Variants in TGM2 observed in about 807,000 individuals in gnomAD.
TGM2 encodes the protein transglutaminase 2, also known as protein-glutamine gamma-glutamyltransferase 2.
A neutral mutation model predicts 75.6 loss-of-function variants in TGM2; 53 were observed. The observed-to-expected ratio is 0.70, with a 90% CI of 0.56 to 0.88. The LOEUF is 0.88. TGM2 is among the 40% of genes least tolerant of loss of function. The probability of loss-of-function intolerance (pLI) is 0.00; values close to 1 mark genes in which losing one functional copy is unlikely to be tolerated. For missense variants in TGM2, 842 were observed against 928.5 expected (o/e 0.91, Z 1.21); for synonymous variants, 374 against 381.1 (o/e 0.98, Z 0.22).
At chr20:38,133,333 G>A (rs1055067726) in intron 10 of TGM2, 1 of 165,256 alleles carries the variant, frequency 6.1e-6, no homozygotes, top group African/African-American at 2.4e-5. Flanking sequence ...CCGGGGAGAT[G>A]ACCTCCCCTC....
intron 3 of TGM2, among the ~76,000 whole-genome samples, chr20:38,154,443 CT>C (rs1367755747): frequency 6.6e-6 from 1 of 152,138 alleles, no homozygotes; most frequent in Admixed American, 6.5e-5. Context: ...GACTGCCTTG[CT>C]AGTTAGATGG....
At chr20:38,136,656 A>G (rs1051410375) in intron 10 of TGM2, among the ~76,000 whole-genome samples, 6 of 152,122 alleles carry the variant, frequency 3.9e-5, no homozygotes, top group African/African-American at 9.7e-5. Flanking sequence ...AGGATGGCCA[A>G]TGTCTCATTC....
chr20:38,167,630 T>C (rs1482023666), upstream of TGM2, among the ~76,000 whole-genome samples: 1 of 152,220 alleles, frequency 6.6e-6, no homozygotes, highest in African/African-American at 2.4e-5. Context: ...TGAACCACTG[T>C]GCCCAGCCCA....
chr20:38,161,725 C>G, intron 1 of TGM2, 126 bp from the exon 2 acceptor site: 1 of 1,151,914 alleles, frequency 8.7e-7, no homozygotes, highest in African/African-American at 1.5e-5. Context: ...GCCATTGTTT[C>G]GACTGACCTG....
rs146882570 is a variant in TGM2 at position 38,130,176 on chromosome 20, G to A, written c.*43C>T. ...GCTCACTAGCTTGGGATAAGGATTG[G>A]GATCAAGGTGGGGGCTCTCAGCAGG... On this transcript the variant is annotated 3_prime_UTR_variant, in exon 13 of 13. Transcript: ENST00000361475. 4 of 1,611,112 alleles carry A rather than the reference G, an allele frequency of 2.5e-6. No individual in the cohort carries two copies. In the Admixed American group the frequency reaches 5.0e-5, roughly 20 times the overall value.
rs753094758 is a variant in TGM2, at chr20:38,142,136, T to C, written c.923A>G (p.Asn308Ser). 40 of 1,614,074 alleles carry C rather than the reference T, an allele frequency of 2.5e-5. No individual in the cohort carries two copies. The South Asian group carries it at 4.0e-4, about 16-fold the overall frequency. ...VTNYNSAHDQ[N>S]SNLLIEYFRN... ...GAAGTACTCGATGAGAAGGTTGCTG[T>C]TCTGGTCATGGGCCGAGTTGTAGTT... The change falls in exon 7 of 13, where the codon AAC becomes AGC. Residue 308 changes from asparagine to serine, a missense_variant. Coordinates refer to ENST00000361475, the MANE Select transcript of TGM2 (RefSeq NM_004613.4).
chr20:38,166,080 A>T (rs572535194), upstream of TGM2, among the ~76,000 whole-genome samples: 32 of 152,254 alleles, frequency 2.1e-4, no homozygotes, highest in African/African-American at 6.7e-4. Context: ...TCAGAGGTAG[A>T]CACACATGCA....
At chr20:38,165,433 G>C (rs2075302150), upstream of TGM2, 1 of 600,772 alleles carries the variant, frequency 1.7e-6, no homozygotes, top group Non-Finnish European at 2.8e-6. Context: ...AGGGAGGGAC[G>C]GCGGCCGGAC....
At position 38,154,476 on chromosome 20, in the gene TGM2, T is replaced by G. The variant is rs534662487; in HGVS notation, c.433+1371A>C. Among the ~76,000 whole-genome samples, 3 of 152,058 alleles carry G rather than the reference T, an allele frequency of 2.0e-5. No individual in the cohort carries two copies. In the South Asian group the frequency reaches 6.3e-4, roughly 32 times the overall value. On this transcript the variant is annotated intron_variant, in intron 3 of 12. Transcript: ENST00000361475. ...ATGGGAAAATCGAGGCCTGGGGAGG[T>G]GACTGGCAACCCCTGCCTCCTCCCC...
At chr20:38,146,678 T>A (rs1210674881) in intron 6 of TGM2, 39 bp downstream of exon 6, 2 of 1,611,562 alleles carry the variant, frequency 1.2e-6, no homozygotes, top group Non-Finnish European at 1.7e-6. Flanking sequence ...TCGTGCCCCC[T>A]CCCAGGGCTC....
chr20:38,134,897 C>T (rs1424278875), intron 10 of TGM2, among the ~76,000 whole-genome samples: 2 of 152,230 alleles, frequency 1.3e-5, no homozygotes, highest in South Asian at 2.1e-4. Flanking sequence ...AGAGGGAACG[C>T]ATCTCAGCTT....
chr20:38,138,449 C>G (rs2074928686), intron 9 of TGM2, 64 bp from the exon 10 acceptor site: 3 of 1,609,832 alleles, frequency 1.9e-6, no homozygotes, highest in Admixed American at 3.3e-5. Flanking sequence ...GGGGCTGCAA[C>G]AGGGCGAGCT....
intron 7 of TGM2, 113 bp downstream of exon 7, chr20:38,141,951 C>G: frequency 1.5e-6 from 2 of 1,350,638 alleles, no homozygotes; most frequent in East Asian, 2.3e-5. Context: ...TCAAATACTG[C>G]TGAACTTTTA....
chr20:38,143,992 G>A (rs772997586), intron 6 of TGM2, among the ~76,000 whole-genome samples: 40 of 152,324 alleles, frequency 2.6e-4, no homozygotes, highest in Non-Finnish European at 5.3e-4. Flanking sequence ...CCTGAGGCCT[G>A]GGCAGGGCTC....
intron 6 of TGM2, among the ~76,000 whole-genome samples, chr20:38,144,698 G>A (rs2075023413): frequency 6.6e-6 from 1 of 152,192 alleles, no homozygotes; most frequent in Non-Finnish European, 1.5e-5. Context: ...GTCCACCCAG[G>A]GGTTAGTGGC....
In TGM2 at chr20:38,156,047, G is replaced by A. The variant is rs61733919; in HGVS notation, c.233C>T (p.Pro78Leu). ...ACCCTCCTCCACAGCATCTCTTAGT[G>A]GAAAACGGGCCTTGGTCCCGGCCTC... ...SQEAGTKARFPLRDAVEEGDW... is the reference protein window; with the variant it reads ...SQEAGTKARFLLRDAVEEGDW... The change falls in exon 3 of 13, where the codon CCA becomes CTA. Residue 78 changes from proline to leucine, a missense_variant. By Grantham distance (98) the Pro-to-Leu change is moderately conservative. Coordinates refer to ENST00000361475, the MANE Select transcript of TGM2 (RefSeq NM_004613.4). 118 of 1,613,726 alleles carry A rather than the reference G, an allele frequency of 7.3e-5. No homozygotes were observed. Among genetic ancestry groups the A allele is most frequent in the Middle Eastern group, 1.7e-4 (1 of 6,056 alleles).
chr20:38,134,552 C>A (rs1047132521), intron 10 of TGM2, among the ~76,000 whole-genome samples: 3 of 152,182 alleles, frequency 2.0e-5, no homozygotes, highest in African/African-American at 7.2e-5. Context: ...TGGTCTTGGG[C>A]CAGATGCTGG....
chr20:38,134,046 G>A (rs2074867921), intron 10 of TGM2, among the ~76,000 whole-genome samples: 1 of 152,192 alleles, frequency 6.6e-6, no homozygotes, highest in Non-Finnish European at 1.5e-5. Context: ...AGGGAGATTG[G>A]CAAGGCTTAG....
chr20:38,165,379 C>T (rs1053808437), upstream of TGM2: 2 of 825,852 alleles, frequency 2.4e-6, no homozygotes, highest in Non-Finnish European at 1.9e-6. Context: ...CAGTCCCGGG[C>T]CCACGCCGCC....
Sources: gnomAD v4.1 joint callset for allele counts (sites outside exome capture counted in the v4.1 genomes callset) on GRCh38, gnomAD v4.1.1 for gene constraint, MANE v1.5 for transcripts, NCBI Gene and HGNC (gene_info 2026-07-23, HGNC 2026-07-21) for gene names.